The following PCNX1 variants were observed in gnomAD, a reference collection of about 807,000 sequenced individuals.
The protein encoded by PCNX1 is pecanex-like protein 1.
PCNX1 carries 78 observed loss-of-function variants against 242.2 expected under a neutral mutation model. That is an observed-to-expected ratio of 0.32 (90% CI 0.27 to 0.39). The LOEUF (loss-of-function observed/expected upper bound fraction) is 0.39. PCNX1 is among the 10% of genes least tolerant of loss of function. The probability of loss-of-function intolerance (pLI) is 1.00; values close to 1 mark genes in which losing one functional copy is unlikely to be tolerated. For synonymous variants in PCNX1, 1,024 were observed against 1,032.9 expected, an observed-to-expected ratio of 0.99 and a Z score of 0.17; for missense variants, 2,581 against 2,856.5, an observed-to-expected ratio of 0.90 and a Z score of 2.20.
intron 30 of PCNX1, among the ~76,000 whole-genome samples, chr14:71,099,562 G>A (rs2062406452): frequency 6.6e-6 from 1 of 152,212 alleles, no homozygotes; most frequent in Admixed American, 6.5e-5. Flanking sequence ...GTCTGTGGTT[G>A]ATGGGTGGAG....
At chr14:71,037,804 C>T (rs1164874365) in intron 19 of PCNX1, among the ~76,000 whole-genome samples, 1 of 150,418 alleles carries the variant, frequency 6.6e-6, no homozygotes, top group African/African-American at 2.5e-5. Flanking sequence ...GGAGGCATCA[C>T]ACTACCTGAC....
chr14:70,910,055 T>TCCTCCCCC (rs1566808326), intron 1 of PCNX1, among the ~76,000 whole-genome samples: 1 of 51,622 alleles, frequency 1.9e-5, no homozygotes, highest in Non-Finnish European at 3.9e-5. Flanking sequence ...CTCCTCCTCC[T>TCCTCCCCC]CCTCCTCCCC....
At chr14:71,080,464 A>G (rs1032514072) in intron 28 of PCNX1, among the ~76,000 whole-genome samples, 4 of 152,198 alleles carry the variant, frequency 2.6e-5, no homozygotes, top group Non-Finnish European at 5.9e-5. Context: ...TACTTTGGGT[A>G]GTATGGCCAT....
intron 7 of PCNX1, among the ~76,000 whole-genome samples, chr14:70,994,782 T>G (rs1447227115): frequency 6.6e-6 from 1 of 152,022 alleles, no homozygotes; most frequent in Non-Finnish European, 1.5e-5. Flanking sequence ...ACTGAGAACA[T>G]TAAAATTCAT....
rs745919701 is a variant in PCNX1 at position 70,978,120 on chromosome 14, ATAT to A, written c.1785_1787del (p.Phe596del). 1.2e-6 allele frequency: 2 copies of A among 1,614,170 alleles called. No individual in the cohort carries two copies. The highest frequency in any genetic ancestry group is 4.5e-5 in the East Asian group (2 of 44,876). ...TTCTGGTACCAAGCCACACAGTGCT[ATAT>A]TTTGTCATGACGAAGACTCTAGTGA... On this transcript the variant is annotated inframe_deletion, in exon 6 of 36. Transcript: ENST00000304743.
intron 13 of PCNX1, 23 bp from the exon 14 acceptor site, chr14:71,026,094 C>G (rs778179311): frequency 2.7e-5 from 40 of 1,485,342 alleles, no homozygotes; most frequent in Non-Finnish European, 3.4e-5. Context: ...ACCAAACTGA[C>G]TTTTAAAAAA....
Position 71,050,720 on chromosome 14 carries a change from T to G in PCNX1, c.4407T>G (p.Gly1469=), listed in dbSNP as rs762947589. 1.9e-6 allele frequency: 3 copies of G among 1,613,406 alleles called. No homozygotes were observed. The highest frequency in any genetic ancestry group is 3.3e-5 in the Admixed American group (2 of 59,986). ...TTGCCCCATGGCAGATCACATGGGG[T>G]TCTGCTTTCCATGCTTTTGCTCAGC... ...TYIAPWQITW[G]SAFHAFAQPF... is the part of the protein sequence containing the mutation. The change falls in exon 23 of 36, where the codon GGT becomes GGG. Residue 1469 remains glycine (G), a synonymous_variant. Coordinates refer to ENST00000304743, the MANE Select transcript of PCNX1 (RefSeq NM_014982.3).
At chr14:71,045,514 C>T (rs761513100) in intron 20 of PCNX1, among the ~76,000 whole-genome samples, 2 of 152,024 alleles carry the variant, frequency 1.3e-5, no homozygotes, top group Non-Finnish European at 2.9e-5. Context: ...CTTACTTCTC[C>T]CCTCTCTAAA....
intron 27 of PCNX1, 118 bp downstream of exon 27, chr14:71,073,916 C>A: frequency 1.6e-6 from 1 of 616,196 alleles, no homozygotes. Context: ...CTTCCAAGTA[C>A]TTATTTAAAT....
rs1321744041 is a variant in PCNX1 at position 71,063,642 on chromosome 14, G to C, written c.4852+5918G>C. On this transcript the variant is annotated intron_variant, in intron 26 of 35. Coordinates refer to ENST00000304743, the MANE Select transcript of PCNX1 (RefSeq NM_014982.3). ...CCCGTCTGCCAAATATTAATCAAAAGTGTCATTATTTTGCCAGGCAGATAT... is the reference window on the plus strand; with the variant it reads ...CCCGTCTGCCAAATATTAATCAAAACTGTCATTATTTTGCCAGGCAGATAT... Among the ~76,000 whole-genome samples the C allele has an allele frequency of 2.0e-5, 3 of 152,188 alleles. No individual in the cohort carries two copies. In the South Asian group the frequency reaches 6.2e-4, roughly 32 times the overall value.
chr14:70,946,152 G>A (rs1316259251), intron 1 of PCNX1, among the ~76,000 whole-genome samples: 1 of 152,082 alleles, frequency 6.6e-6, no homozygotes, highest in African/African-American at 2.4e-5. Flanking sequence ...TCTGTCCTGT[G>A]TTCTTTTATT....
At chr14:71,058,698 T>C (rs942196193) in intron 26 of PCNX1, among the ~76,000 whole-genome samples, 7 of 152,230 alleles carry the variant, frequency 4.6e-5, no homozygotes, top group Admixed American at 4.6e-4. Context: ...TCTATGTTAG[T>C]GGAGCAAGTA....
At chr14:70,985,323 T>G (rs1379959619) in intron 6 of PCNX1, among the ~76,000 whole-genome samples, 1 of 152,206 alleles carries the variant, frequency 6.6e-6, no homozygotes, top group Non-Finnish European at 1.5e-5. Context: ...CAAGTGATTC[T>G]CCTGCCTCAG....
intron 5 of PCNX1, among the ~76,000 whole-genome samples, chr14:70,975,951 T>A (rs532864239): frequency 6.6e-6 from 1 of 152,284 alleles, no homozygotes; most frequent in Non-Finnish European, 1.5e-5. Context: ...TGCAGTATTT[T>A]GCTCTGTAAT....
intron 6 of PCNX1, among the ~76,000 whole-genome samples, chr14:70,983,486 G>A (rs2058904931): frequency 6.6e-6 from 1 of 152,084 alleles, no homozygotes; most frequent in Non-Finnish European, 1.5e-5. Context: ...TGTATTTTTA[G>A]TAGAGATGGG....
At chr14:71,070,907 C>T (rs1021469612) in intron 26 of PCNX1, among the ~76,000 whole-genome samples, 3 of 152,166 alleles carry the variant, frequency 2.0e-5, no homozygotes, top group Non-Finnish European at 4.4e-5. Context: ...ATCTTCTTTC[C>T]GTGTAAGGAT....
intron 1 of PCNX1, among the ~76,000 whole-genome samples, chr14:70,933,983 A>G (rs143112399): frequency 6.6e-6 from 1 of 152,354 alleles, no homozygotes; most frequent in East Asian, 1.9e-4. Context: ...GGTGAAGGAG[A>G]TAGTGAAAGT....
Position 71,007,099 on chromosome 14 carries a change from T to C in PCNX1, c.2630-2535T>C, listed in dbSNP as rs537260479. On this transcript the variant is annotated intron_variant, in intron 8 of 35. Transcript: ENST00000304743. ...CTTCTGCTTACATTTTTAGATTTTA[T>C]TACTTGTTAGTAATTTGGATAGAAT... Among the ~76,000 whole-genome samples, 13 of 152,298 alleles carry C rather than the reference T, an allele frequency of 8.5e-5. No individual in the cohort carries two copies. In the East Asian group the frequency reaches 1.3e-3, roughly 16 times the overall value.
intron 32 of PCNX1, among the ~76,000 whole-genome samples, chr14:71,104,104 C>G (rs2062540308): frequency 6.6e-6 from 1 of 152,158 alleles, no homozygotes; most frequent in African/African-American, 2.4e-5. Context: ...GATGGCAATG[C>G]AGAGATACTA....
Sources: allele counts gnomAD v4.1 joint callset (sites outside exome capture counted in the v4.1 genomes callset), GRCh38; gene constraint gnomAD v4.1.1; transcripts MANE v1.5; gene names NCBI Gene and HGNC (gene_info 2026-07-23, HGNC 2026-07-21).